The following GTF2E2 variants were observed in gnomAD, a reference collection of about 807,000 sequenced individuals.
The protein encoded by GTF2E2 is general transcription factor IIE subunit 2, also known as transcription initiation factor IIE subunit beta.
In GTF2E2, 21 loss-of-function variants were observed where a neutral mutation model predicts 40.5. The observed-to-expected ratio is 0.52, with a 90% confidence interval of 0.37 to 0.75. GTF2E2 has a LOEUF of 0.75. GTF2E2 is among the 30% of genes least tolerant of loss of function. GTF2E2 has a pLI of 0.00. For synonymous variants in GTF2E2, 117 were observed against 121.6 expected (o/e 0.96, Z 0.25); for missense variants, 298 against 338.4 (o/e 0.88, Z 0.94).
intron 3 of GTF2E2, among the ~76,000 whole-genome samples, chr8:30,621,637 T>G (rs1801105677): frequency 6.6e-6 from 1 of 152,144 alleles, no homozygotes; most frequent in African/African-American, 2.4e-5. Flanking sequence ...TTTGTTTCAC[T>G]TTCTTATTTT....
chr8:30,602,208 G>A (rs1341956288), intron 6 of GTF2E2, among the ~76,000 whole-genome samples: 1 of 151,900 alleles, frequency 6.6e-6, no homozygotes, highest in African/African-American at 2.4e-5. Flanking sequence ...AGGAGAAATG[G>A]GATTTCACCA....
At position 30,578,787 on chromosome 8, in the gene GTF2E2, CTT is replaced by C; in HGVS notation, c.*132_*133del. On this transcript the variant is annotated 3_prime_UTR_variant, in exon 8 of 8. Transcript: ENST00000355904. ...TAAGCTTTGAGTTTGGTAATTTGCA[CTT>C]GTTTTGTAAACTGAACTGCTCCTCT... The C allele has an allele frequency of 1.6e-6, 1 of 624,134 alleles. No homozygotes were observed. Among genetic ancestry groups the C allele is most frequent in the Non-Finnish European group, 2.9e-6 (1 of 342,146 alleles). The allele number at this position is 624,134 out of a possible 1,614,324, so 38.7% of individuals were successfully genotyped here.
intron 3 of GTF2E2, among the ~76,000 whole-genome samples, chr8:30,623,877 ATTTG>A (rs1240897030): frequency 1.3e-5 from 2 of 151,650 alleles, no homozygotes; most frequent in East Asian, 1.9e-4. Context: ...TTTCTTGAAA[ATTTG>A]TTTGAGTTCT....
At chr8:30,585,360 C>A (rs957641888) in intron 6 of GTF2E2, among the ~76,000 whole-genome samples, 2 of 152,098 alleles carry the variant, frequency 1.3e-5, no homozygotes, top group Non-Finnish European at 2.9e-5. Flanking sequence ...GTGCTGGTGT[C>A]TTTAATAAAG....
At chr8:30,588,009 G>A (rs1315652116) in intron 6 of GTF2E2, among the ~76,000 whole-genome samples, 1 of 151,632 alleles carries the variant, frequency 6.6e-6, no homozygotes, top group East Asian at 1.9e-4. Flanking sequence ...AGGAGAAAGA[G>A]AAGTACAATG....
chr8:30,587,872 A>T (rs913898013), intron 6 of GTF2E2, among the ~76,000 whole-genome samples: 6 of 10,918 alleles, frequency 5.5e-4, no homozygotes, highest in African/African-American at 3.9e-3. Context: ...ACTCCGTCTT[A>T]AAAAAAAAAA....
intron 6 of GTF2E2, among the ~76,000 whole-genome samples, chr8:30,581,362 A>G (rs918631509): frequency 2.6e-4 from 40 of 152,144 alleles, no homozygotes; most frequent in African/African-American, 8.9e-4. Flanking sequence ...ACAAATGATA[A>G]ATGAAGTAGG....
chr8:30,580,772 G>A (rs1194841901), intron 6 of GTF2E2, among the ~76,000 whole-genome samples: 1 of 152,126 alleles, frequency 6.6e-6, no homozygotes, highest in Non-Finnish European at 1.5e-5. Flanking sequence ...ATTGATAATA[G>A]AAAATAAGAA....
chr8:30,580,251 G>A (rs771577615), intron 7 of GTF2E2, 30 bp downstream of exon 7: 1 of 1,198,144 alleles, frequency 8.3e-7, no homozygotes, highest in Non-Finnish European at 1.2e-6. Context: ...CAGGGCAGGG[G>A]ATTAAGCTGC....
At chr8:30,631,416 A>C (rs910929131) in intron 3 of GTF2E2, among the ~76,000 whole-genome samples, 34 of 152,206 alleles carry the variant, frequency 2.2e-4, no homozygotes, top group African/African-American at 8.0e-4. Flanking sequence ...TCAATTAGGG[A>C]GGCTGATTCC....
chr8:30,623,587 C>T (rs1801177668), intron 3 of GTF2E2, among the ~76,000 whole-genome samples: 1 of 152,066 alleles, frequency 6.6e-6, no homozygotes, highest in Non-Finnish European at 1.5e-5. Flanking sequence ...TGAGGAATCG[C>T]CACACTGACT....
At chr8:30,638,371 A>G (rs887861620) in intron 2 of GTF2E2, among the ~76,000 whole-genome samples, 1 of 152,212 alleles carries the variant, frequency 6.6e-6, no homozygotes, top group African/African-American at 2.4e-5. Flanking sequence ...TCAATTTGTT[A>G]GTAACTCACA....
Position 30,650,108 on chromosome 8 carries a change from A to G in GTF2E2, c.166+3325T>C, listed in dbSNP as rs1207295864. On this transcript the variant is annotated intron_variant, in intron 2 of 7. Coordinates refer to ENST00000355904, the MANE Select transcript of GTF2E2 (RefSeq NM_002095.6). ...CAAATCGTTTAAGGAGGCCAGAATT[A>G]CCCTGAGAGGCACCAGAGAAAAACG... Among the ~76,000 whole-genome samples, 3 of 152,168 alleles carry G rather than the reference A, an allele frequency of 2.0e-5. No homozygotes were observed. The East Asian group carries it at 5.8e-4, about 29-fold the overall frequency.
At chr8:30,602,440 T>C (rs1359499800) in intron 6 of GTF2E2, among the ~76,000 whole-genome samples, 1 of 152,180 alleles carries the variant, frequency 6.6e-6, no homozygotes, top group Non-Finnish European at 1.5e-5. Context: ...GTAGGTTATA[T>C]TATCTATGAA....
chr8:30,621,822 C>T (rs1032564462), intron 3 of GTF2E2, among the ~76,000 whole-genome samples: 3 of 151,934 alleles, frequency 2.0e-5, no homozygotes, highest in Non-Finnish European at 4.4e-5. Flanking sequence ...CTACTTCCTT[C>T]GTGCCTTACT....
At chr8:30,612,554 T>G (rs940545036) in intron 4 of GTF2E2, 73 bp from the exon 5 acceptor site, 8 of 888,794 alleles carry the variant, frequency 9.0e-6, no homozygotes, top group Non-Finnish European at 1.1e-5. Context: ...TGAAACGTAA[T>G]CTTGCTCTGT....
At chr8:30,593,359 A>G (rs1828903095) in intron 6 of GTF2E2, among the ~76,000 whole-genome samples, 1 of 152,212 alleles carries the variant, frequency 6.6e-6, no homozygotes, top group Non-Finnish European at 1.5e-5. Context: ...GCTGTAGTCT[A>G]ACTGTGGATG....
intron 2 of GTF2E2, among the ~76,000 whole-genome samples, chr8:30,639,715 C>T (rs751838442): frequency 1.4e-4 from 22 of 152,024 alleles, no homozygotes; most frequent in Admixed American, 5.2e-4. Flanking sequence ...AAAGAGCCAG[C>T]TTCTGTCCTT....
chr8:30,642,017 C>G (rs1223394702), intron 2 of GTF2E2, among the ~76,000 whole-genome samples: 2 of 152,126 alleles, frequency 1.3e-5, no homozygotes, highest in Non-Finnish European at 2.9e-5. Context: ...TACAGTCTAA[C>G]AAAAATGACA....
Sources: allele counts gnomAD v4.1 joint callset (sites outside exome capture counted in the v4.1 genomes callset), GRCh38; gene constraint gnomAD v4.1.1; transcripts MANE v1.5; gene names NCBI Gene and HGNC (gene_info 2026-07-23, HGNC 2026-07-21).